MAP2K4: variants seen among roughly 807,000 people sequenced by gnomAD.
MAP2K4 encodes the protein mitogen-activated protein kinase kinase 4.
Under a neutral mutation model 48.5 loss-of-function variants are expected in MAP2K4, and 4 were observed. That is an observed-to-expected ratio of 0.08 (90% CI 0.04 to 0.19). The LOEUF (loss-of-function observed/expected upper bound fraction) is 0.19, where lower values mean the gene tolerates loss of function less well. Ranked by LOEUF, MAP2K4 falls within the 10% of genes least tolerant of loss-of-function variation. MAP2K4 has a pLI of 1.00. For synonymous variants in MAP2K4, 166 were observed against 173.1 expected, an observed-to-expected ratio of 0.96 and a Z score of 0.32; for missense variants, 258 against 493.3, an observed-to-expected ratio of 0.52 and a Z score of 4.52.
chr17:12,120,086 A>G (rs558700704), intron 7 of MAP2K4, among the ~76,000 whole-genome samples: 3 of 152,216 alleles, frequency 2.0e-5, no homozygotes, highest in Non-Finnish European at 2.9e-5. Context: ...AATGGTCTGT[A>G]CAACAGACCT....
chr17:12,025,195 T>C (rs923460604), intron 1 of MAP2K4, among the ~76,000 whole-genome samples: 18 of 152,228 alleles, frequency 1.2e-4, no homozygotes, highest in African/African-American at 2.9e-4. Flanking sequence ...AGGTAACTGC[T>C]CTGCTGTTTA....
intron 1 of MAP2K4, among the ~76,000 whole-genome samples, chr17:12,046,521 T>C (rs1969969243): frequency 6.6e-6 from 1 of 152,134 alleles, no homozygotes; most frequent in Admixed American, 6.5e-5. Context: ...TATATTTGCT[T>C]GTTGGTAGTA....
chr17:12,141,142 T>C lies in MAP2K4; in HGVS notation c.1087-5T>C. 1 of 1,588,798 alleles carries C rather than the reference T, an allele frequency of 6.3e-7. No homozygotes were observed. Among genetic ancestry groups the C allele is most frequent in the Non-Finnish European group, 8.6e-7 (1 of 1,157,178 alleles). On this transcript the variant is annotated splice_polypyrimidine_tract_variant and splice_region_variant and intron_variant, in intron 10 of 10. Transcript: ENST00000353533. The stretch of plus-strand genomic sequence containing the variant: ...TTGACTTTTTTGTTTTCAATTTTCT[T>C]GCAGAAACATCCCTTTATTTTGATG...
chr17:12,034,311 A>G (rs1969527971), intron 1 of MAP2K4, among the ~76,000 whole-genome samples: 1 of 152,230 alleles, frequency 6.6e-6, no homozygotes, highest in African/African-American at 2.4e-5. Context: ...GCTTTGATAC[A>G]TATGGAAGAA....
At chr17:12,049,235 T>C (rs898742124) in intron 1 of MAP2K4, among the ~76,000 whole-genome samples, 2 of 152,132 alleles carry the variant, frequency 1.3e-5, no homozygotes, top group Non-Finnish European at 2.9e-5. Context: ...AAATGACAGC[T>C]CCCCTCTCTG....
chr17:12,108,974 T>A (rs1972219045), intron 5 of MAP2K4, among the ~76,000 whole-genome samples: 1 of 152,078 alleles, frequency 6.6e-6, no homozygotes, highest in Admixed American at 6.6e-5. Flanking sequence ...AACTTACTAT[T>A]TGTAATAATT....
intron 7 of MAP2K4, among the ~76,000 whole-genome samples, chr17:12,122,303 C>G (rs1972719672): frequency 6.6e-6 from 1 of 152,208 alleles, no homozygotes; most frequent in South Asian, 2.1e-4. Flanking sequence ...CCCTCGTCCC[C>G]CTGCTGCCTG....
intron 2 of MAP2K4, among the ~76,000 whole-genome samples, chr17:12,063,634 T>C (rs1170214560): frequency 6.6e-6 from 1 of 152,134 alleles, no homozygotes; most frequent in Non-Finnish European, 1.5e-5. Flanking sequence ...AAATTGGATT[T>C]TATCAAAATT....
At chr17:12,120,055 G>C (rs1180297602) in intron 7 of MAP2K4, among the ~76,000 whole-genome samples, 1 of 152,176 alleles carries the variant, frequency 6.6e-6, no homozygotes, top group Non-Finnish European at 1.5e-5. Flanking sequence ...TTGGGTACTA[G>C]GCTTAGTAAC....
chr17:12,061,629 T>A (rs976912283), intron 2 of MAP2K4, among the ~76,000 whole-genome samples: 2 of 152,206 alleles, frequency 1.3e-5, no homozygotes, highest in Admixed American at 1.3e-4. Flanking sequence ...ATCATCTTTG[T>A]TCTTGAATCA....
At chr17:12,127,757 C>T (rs1736033077) in intron 8 of MAP2K4, among the ~76,000 whole-genome samples, 1 of 152,176 alleles carries the variant, frequency 6.6e-6, no homozygotes, top group Non-Finnish European at 1.5e-5. Flanking sequence ...TCTTGAAAAG[C>T]ATTTATAATT....
chr17:12,063,087 C>A (rs117338373), intron 2 of MAP2K4, among the ~76,000 whole-genome samples: 2 of 152,112 alleles, frequency 1.3e-5, no homozygotes, highest in Non-Finnish European at 2.9e-5. Context: ...CAGTGAAATC[C>A]CATCAGACTT....
intron 4 of MAP2K4, among the ~76,000 whole-genome samples, chr17:12,099,363 T>C (rs1482810340): frequency 6.6e-6 from 1 of 152,212 alleles, no homozygotes; most frequent in Non-Finnish European, 1.5e-5. Flanking sequence ...CCAGTGCAGA[T>C]ACCTTTTTGA....
At chr17:12,113,189 A>G (rs1018083069) in intron 6 of MAP2K4, 44 bp from the exon 7 acceptor site, 1 of 1,582,104 alleles carries the variant, frequency 6.3e-7, no homozygotes, top group African/African-American at 1.3e-5. Flanking sequence ...TATGTAACTT[A>G]GGAAGAAGCT....
chr17:12,102,920 A>G (rs1020021407), intron 4 of MAP2K4, among the ~76,000 whole-genome samples: 2 of 150,936 alleles, frequency 1.3e-5, no homozygotes, highest in Non-Finnish European at 3.0e-5. Context: ...TGATACTGGT[A>G]ATTTATGTCT....
In MAP2K4 at chr17:12,020,969, CGCCAGGCCACCCG is replaced by C; in HGVS notation, c.87_99del (p.Gly30SerfsTer11). 1 of 1,214,054 alleles carries C rather than the reference CGCCAGGCCACCCG, an allele frequency of 8.2e-7. No individual in the cohort carries two copies. The highest frequency in any genetic ancestry group is 1.0e-6 in the Non-Finnish European group (1 of 976,562). The allele number at this position is 1,214,054 out of a possible 1,614,324, so 75.2% of individuals were successfully genotyped here. On this transcript the variant is annotated frameshift_variant, in exon 1 of 11. Coordinates refer to ENST00000353533, the MANE Select transcript of MAP2K4 (RefSeq NM_003010.4). LOFTEE classifies it high-confidence loss of function. ...ACCCCCGGCCCCGTAGGGTCCCCGG[CGCCAGGCCACCCG>C]GCCGTCAGCAGCATGCAGGGTAAGG...
Position 12,143,639 on chromosome 17 carries a change from C to G in MAP2K4, c.*2379C>G, listed in dbSNP as rs1162005562. The G allele has an allele frequency of 2.2e-5, 5 of 230,940 alleles. No individual in the cohort carries two copies. Among genetic ancestry groups the G allele is most frequent in the Non-Finnish European group, 4.3e-5 (5 of 116,602 alleles). The allele number at this position is 230,940 out of a possible 1,614,324, so 14.3% of individuals were successfully genotyped here. Reference sequence around the variant, plus strand: ...CTGTATTCTTGTTTGAATTCCTCCTCTATTTAAGATATATACATGGAATCG... The same window carrying G: ...CTGTATTCTTGTTTGAATTCCTCCTGTATTTAAGATATATACATGGAATCG... On this transcript the variant is annotated 3_prime_UTR_variant, in exon 11 of 11. Coordinates refer to ENST00000353533, the MANE Select transcript of MAP2K4 (RefSeq NM_003010.4).
chr17:12,085,286 A>T (rs1971323165), intron 3 of MAP2K4, among the ~76,000 whole-genome samples: 1 of 152,158 alleles, frequency 6.6e-6, no homozygotes, highest in Non-Finnish European at 1.5e-5. Flanking sequence ...TGAAGGGTTA[A>T]TACTGTAATA....
At chr17:12,129,373 G>A (rs766423155) in intron 9 of MAP2K4, 86 bp downstream of exon 9, 64 of 1,494,460 alleles carry the variant, frequency 4.3e-5, no homozygotes, top group Middle Eastern at 1.7e-4. Flanking sequence ...TACTTTACAT[G>A]GAGGAAGGGG....
Sources: gnomAD v4.1 joint callset for allele counts (sites outside exome capture counted in the v4.1 genomes callset) on GRCh38, gnomAD v4.1.1 for gene constraint, MANE v1.5 for transcripts, NCBI Gene and HGNC (gene_info 2026-07-23, HGNC 2026-07-21) for gene names.